The following SLC44A5 variants were observed in gnomAD, a reference collection of about 807,000 sequenced individuals.
SLC44A5 encodes choline transporter-like protein 5.
SLC44A5 carries 57 observed loss-of-function variants against 101.8 expected under a neutral mutation model. The observed-to-expected ratio is 0.56, with a 90% CI of 0.45 to 0.70. The LOEUF (loss-of-function observed/expected upper bound fraction) is 0.70. Ranked by LOEUF, SLC44A5 falls within the 30% of genes least tolerant of loss-of-function variation. The pLI is 0.00. For synonymous variants in SLC44A5, 281 were observed against 290.9 expected (o/e 0.97, Z 0.35); for missense variants, 737 against 853.1 (o/e 0.86, Z 1.70).
At position 75,601,961 on chromosome 1, in the gene SLC44A5, T is replaced by G. The variant is rs575097939; in HGVS notation, c.-70+9079A>C. Among the ~76,000 whole-genome samples, 4 of 152,244 alleles carry G rather than the reference T, an allele frequency of 2.6e-5. No individual in the cohort carries two copies. In the South Asian group the frequency reaches 8.3e-4, roughly 32 times the overall value. On this transcript the variant is annotated intron_variant, in intron 1 of 23. Transcript: ENST00000370859. ...TAAATAGGGCCAACTGAAGGAAGTC[T>G]GAACTTGTGAAAATTCTGAATATTC...
chr1:75,441,315 T>C (rs1665184293), intron 2 of SLC44A5, among the ~76,000 whole-genome samples: 2 of 152,222 alleles, frequency 1.3e-5, no homozygotes, highest in Admixed American at 6.5e-5. Flanking sequence ...GCTCTCCAAA[T>C]GCAAGTAGCA....
chr1:75,394,258 T>C (rs1031338518), intron 3 of SLC44A5, among the ~76,000 whole-genome samples: 1 of 152,138 alleles, frequency 6.6e-6, no homozygotes, highest in Non-Finnish European at 1.5e-5. Flanking sequence ...AAAAGAATTC[T>C]GTAATGGAAG....
the SLC44A5 span, among the ~76,000 whole-genome samples, chr1:75,655,503 G>C: frequency 6.6e-6 from 1 of 152,132 alleles, no homozygotes; most frequent in East Asian, 1.9e-4. Flanking sequence ...CATAGTAACT[G>C]TGGTCTTCAT....
the SLC44A5 span, among the ~76,000 whole-genome samples, chr1:75,637,446 G>T: frequency 3.3e-5 from 5 of 151,972 alleles, no homozygotes; most frequent in African/African-American, 4.8e-5. Flanking sequence ...TAAGTATCTA[G>T]AATAGTCAAA....
At chr1:75,482,980 A>G (rs1667956892) in intron 2 of SLC44A5, among the ~76,000 whole-genome samples, 1 of 152,250 alleles carries the variant, frequency 6.6e-6, no homozygotes, top group Non-Finnish European at 1.5e-5. Flanking sequence ...TAAATTTGAA[A>G]ATTGAATAAA....
intron 2 of SLC44A5, among the ~76,000 whole-genome samples, chr1:75,477,090 G>A (rs1667465070): frequency 6.6e-6 from 1 of 152,180 alleles, no homozygotes; most frequent in Admixed American, 6.5e-5. Flanking sequence ...AGCGTTCGCG[G>A]TTCATGAAAA....
At chr1:75,386,801 T>A (rs1232678997) in intron 3 of SLC44A5, among the ~76,000 whole-genome samples, 1 of 151,942 alleles carries the variant, frequency 6.6e-6, no homozygotes, top group East Asian at 1.9e-4. Flanking sequence ...ACTACCTGAC[T>A]TCAAACTATA....
intron 9 of SLC44A5, among the ~76,000 whole-genome samples, chr1:75,240,239 C>T: frequency 6.6e-6 from 1 of 152,034 alleles, no homozygotes; most frequent in East Asian, 1.9e-4. Flanking sequence ...ACAAGACATG[C>T]AATGTTTTCC....
chr1:75,638,694 T>C, the SLC44A5 span, among the ~76,000 whole-genome samples: 1 of 152,118 alleles, frequency 6.6e-6, no homozygotes, highest in African/African-American at 2.4e-5. Context: ...TCTTTCTTTG[T>C]AGTTTTCAGC....
intron 3 of SLC44A5, among the ~76,000 whole-genome samples, chr1:75,352,631 G>C (rs938315192): frequency 6.6e-6 from 1 of 151,992 alleles, no homozygotes; most frequent in Admixed American, 6.6e-5. Flanking sequence ...TGAAAAGCTT[G>C]ATAATATGAT....
chr1:75,651,721 C>T, the SLC44A5 span, among the ~76,000 whole-genome samples: 1 of 136,618 alleles, frequency 7.3e-6, no homozygotes, highest in Non-Finnish European at 1.6e-5. Flanking sequence ...AAAAAAAAAT[C>T]CAATACTCAA....
intron 2 of SLC44A5, among the ~76,000 whole-genome samples, chr1:75,470,648 A>G (rs1667056176): frequency 6.6e-6 from 1 of 152,134 alleles, no homozygotes; most frequent in Non-Finnish European, 1.5e-5. Flanking sequence ...AGCTAAACCT[A>G]CACCATGAGT....
intron 5 of SLC44A5, among the ~76,000 whole-genome samples, chr1:75,287,648 T>C (rs1156965202): frequency 6.6e-6 from 1 of 152,052 alleles, no homozygotes; most frequent in East Asian, 1.9e-4. Flanking sequence ...GCTTCCTTGA[T>C]GTGGTGCTCT....
intron 17 of SLC44A5, 125 bp downstream of exon 17, chr1:75,218,365 T>A (rs1357457228): frequency 7.6e-7 from 1 of 1,316,804 alleles, no homozygotes; most frequent in Non-Finnish European, 1.0e-6. Context: ...TGGGCATCCA[T>A]GAATTTTGAT....
the SLC44A5 span, among the ~76,000 whole-genome samples, chr1:75,718,113 T>C: frequency 6.6e-4 from 101 of 152,332 alleles, no homozygotes; most frequent in Non-Finnish European, 1.2e-3. Flanking sequence ...TTATATAAAG[T>C]TGTGACACCT....
the SLC44A5 span, among the ~76,000 whole-genome samples, chr1:75,701,291 C>G: frequency 1.3e-5 from 2 of 152,202 alleles, no homozygotes; most frequent in African/African-American, 4.8e-5. Context: ...AGCAGCACAT[C>G]AAAAACCTTG....
chr1:75,525,345 G>A (rs1431684498), intron 2 of SLC44A5, among the ~76,000 whole-genome samples: 2 of 152,054 alleles, frequency 1.3e-5, no homozygotes, highest in Non-Finnish European at 2.9e-5. Flanking sequence ...CATGAAATAA[G>A]AATATCACTT....
chr1:75,213,407 A>G (rs781644145), intron 22 of SLC44A5, among the ~76,000 whole-genome samples: 5 of 152,114 alleles, frequency 3.3e-5, no homozygotes, highest in African/African-American at 9.7e-5. Flanking sequence ...CTAAGCCCCA[A>G]TGTGATTTGA....
chr1:75,607,226 T>A (rs1675373281), intron 1 of SLC44A5, among the ~76,000 whole-genome samples: 1 of 152,066 alleles, frequency 6.6e-6, no homozygotes, highest in African/African-American at 2.4e-5. Flanking sequence ...CACCTTCTCT[T>A]AGTTGTTTAG....
Sources: gnomAD v4.1 joint callset for allele counts (sites outside exome capture counted in the v4.1 genomes callset) on GRCh38, gnomAD v4.1.1 for gene constraint, MANE v1.5 for transcripts, NCBI Gene and HGNC (gene_info 2026-07-23, HGNC 2026-07-21) for gene names.